Variants in CEP290 observed in about 807,000 individuals in gnomAD.
The protein encoded by CEP290 is centrosomal protein 290.
CEP290 carries 317 observed loss-of-function variants against 344.9 expected under a neutral mutation model. The observed-to-expected ratio is 0.92, with a 90% CI of 0.84 to 1.01. CEP290 has a LOEUF of 1.01. Ranked by LOEUF, CEP290 falls within the 50% of genes least tolerant of loss-of-function variation. CEP290 has a pLI of 0.00. For missense variants in CEP290, 2,754 were observed against 2,761.4 expected, an observed-to-expected ratio of 1.00 and a Z score of 0.06; for synonymous variants, 932 against 895.8, an observed-to-expected ratio of 1.04 and a Z score of -0.72.
At chr12:88,131,112 C>G (rs2040039653) in intron 7 of CEP290, 53 bp downstream of exon 7, 1 of 1,331,364 alleles carries the variant, frequency 7.5e-7, no homozygotes, top group South Asian at 1.5e-5. Flanking sequence ...AACTTAGGTA[C>G]TTATTTTAAT....
intron 26 of CEP290, among the ~76,000 whole-genome samples, chr12:88,101,867 C>T (rs894569008): frequency 6.6e-6 from 1 of 151,970 alleles, no homozygotes; most frequent in African/African-American, 2.4e-5. Flanking sequence ...TAAAAAGTAA[C>T]ATAATCACCT....
chr12:88,074,726 G>A (rs1176558850), intron 41 of CEP290, among the ~76,000 whole-genome samples: 2 of 152,094 alleles, frequency 1.3e-5, no homozygotes, highest in African/African-American at 2.4e-5. Context: ...TAATACGAGG[G>A]GGTCCTGCCC....
intron 27 of CEP290, among the ~76,000 whole-genome samples, chr12:88,094,815 A>C (rs2037314566): frequency 6.6e-6 from 1 of 152,072 alleles, no homozygotes; most frequent in Admixed American, 6.6e-5. Context: ...GCAGCAACTC[A>C]CTTTGTAAAC....
At chr12:88,084,010 T>C in intron 35 of CEP290, 56 bp from the exon 36 acceptor site, 2 of 1,076,552 alleles carry the variant, frequency 1.9e-6, no homozygotes, top group Non-Finnish European at 2.7e-6. Flanking sequence ...CAAATTCACA[T>C]TTTGAAGACC....
At chr12:88,090,189 G>C (rs2036917876) in intron 30 of CEP290, among the ~76,000 whole-genome samples, 1 of 152,174 alleles carries the variant, frequency 6.6e-6, no homozygotes, top group African/African-American at 2.4e-5. Context: ...ACAATTCTCA[G>C]TGTCCTAATT....
In CEP290 at chr12:88,077,708, T is replaced by C. The variant is rs2035882344; in HGVS notation, c.5575A>G (p.Ser1859Gly). 3 of 1,539,716 alleles carry C rather than the reference T, an allele frequency of 1.9e-6. No individual in the cohort carries two copies. The highest frequency in any genetic ancestry group is 2.8e-5 in the African/African-American group (2 of 71,648). The change falls in exon 40 of 54, where the codon AGT becomes GGT. Residue 1859 changes from serine (S) to glycine (G), a missense_variant. Ser to Gly is a moderately conservative substitution (Grantham distance 56). Coordinates refer to ENST00000552810, the MANE Select transcript of CEP290 (RefSeq NM_025114.4). The stretch of plus-strand genomic sequence containing the variant: ...AAATATAAAATTACCTGTAATCCAC[T>C]GGTTAGTCTTTTAATTTGCCTTTTC... ...ELKRQIKRLT[S>G]GLQGKPLTDN... is the part of the protein sequence containing the mutation.
rs1435194969 is a variant in CEP290, at chr12:88,102,858, T to C, written c.2971A>G (p.Ser991Gly). 1.2e-6 allele frequency: 2 copies of C among 1,610,066 alleles called. No individual in the cohort carries two copies. The highest frequency in any genetic ancestry group is 1.3e-5 in the African/African-American group (1 of 74,776). ...CTTACCTCCAGGTGTTCCAAGTTAC[T>C]TGTTCTTTGAACAAGCATATTATCT... ...QKDNMLVQRT[S>G]NLEHLECENI... The change falls in exon 26 of 54, where the codon AGT becomes GGT. Residue 991 changes from serine (S) to glycine (G), a missense_variant. Ser to Gly is a moderately conservative substitution (Grantham distance 56). Transcript: ENST00000552810.
At chr12:88,067,617 G>T (rs967954347) in intron 44 of CEP290, among the ~76,000 whole-genome samples, 1 of 151,992 alleles carries the variant, frequency 6.6e-6, no homozygotes, top group Non-Finnish European at 1.5e-5. Flanking sequence ...TCTCACTCTT[G>T]CCTATCTTAT....
At chr12:88,080,452 C>T (rs2036118743) in intron 37 of CEP290, 57 bp from the exon 38 acceptor site, 1 of 1,282,718 alleles carries the variant, frequency 7.8e-7, no homozygotes, top group Non-Finnish European at 1.1e-6. Context: ...TTTTTTGAGA[C>T]CCAGTCTCAC....
chr12:88,073,350 C>T (rs2035522851), intron 41 of CEP290, among the ~76,000 whole-genome samples: 1 of 152,170 alleles, frequency 6.6e-6, no homozygotes, highest in Non-Finnish European at 1.5e-5. Flanking sequence ...TGTCAGTCTG[C>T]AATCGTAGCT....
intron 18 of CEP290, chr12:88,115,879 CCTTAAG>C (rs2137809762): frequency 4.1e-6 from 4 of 983,298 alleles, no homozygotes; most frequent in Non-Finnish European, 4.8e-6. Flanking sequence ...GGAAGATTAA[CCTTAAG>C]CTTATTTTTC....
intron 44 of CEP290, among the ~76,000 whole-genome samples, chr12:88,068,112 A>T (rs1483344428): frequency 6.6e-6 from 1 of 152,166 alleles, no homozygotes; most frequent in African/African-American, 2.4e-5. Context: ...CTAAATATTT[A>T]AAAAATCCAA....
In CEP290 at chr12:88,059,968, T is replaced by C. The variant is rs1222842886; in HGVS notation, c.6575A>G (p.Tyr2192Cys). The stretch of plus-strand genomic sequence containing the variant: ...TTCTGTGCCTTTGGTCTTGGATTCA[T>C]AGTGCATGCTCAACTGATGCCCAAG... The part of the protein sequence containing the change: ...AHLGHQLSMH[Y>C]ESKTKGTEKI... Residue 2192 changes from tyrosine to cysteine, a missense_variant, in exon 48 of 54, where the codon TAT becomes TGT. Tyr to Cys is a radical substitution (Grantham distance 194). Coordinates refer to ENST00000552810, the MANE Select transcript of CEP290 (RefSeq NM_025114.4). The C allele has an allele frequency of 2.5e-6, 4 of 1,587,344 alleles. No homozygotes were observed. The highest frequency in any genetic ancestry group is 1.2e-5 in the South Asian group (1 of 86,078).
At chr12:88,110,613 G>A (rs1282198476) in intron 22 of CEP290, among the ~76,000 whole-genome samples, 1 of 152,072 alleles carries the variant, frequency 6.6e-6, no homozygotes, top group Non-Finnish European at 1.5e-5. Flanking sequence ...GGAGGCTGAG[G>A]CATGAGAATC....
At chr12:88,097,073 A>G in intron 26 of CEP290, 74 bp from the exon 27 acceptor site, 1 of 735,018 alleles carries the variant, frequency 1.4e-6, no homozygotes, top group Non-Finnish European at 2.2e-6. Flanking sequence ...CATTGTCTTA[A>G]CTTTATATAA....
chr12:88,113,012 G>C (rs953264715), intron 20 of CEP290, among the ~76,000 whole-genome samples: 2 of 152,096 alleles, frequency 1.3e-5, no homozygotes, highest in Non-Finnish European at 2.9e-5. Flanking sequence ...GCATTGTCTG[G>C]TCTAAATTGT....
At chr12:88,054,017 C>T (rs1305048587) in intron 51 of CEP290, among the ~76,000 whole-genome samples, 1 of 152,130 alleles carries the variant, frequency 6.6e-6, no homozygotes, top group African/African-American at 2.4e-5. Flanking sequence ...GCTACAGAGA[C>T]CCCTGAAAGT....
chr12:88,135,200 T>C (rs2040287604), intron 6 of CEP290, among the ~76,000 whole-genome samples: 1 of 152,132 alleles, frequency 6.6e-6, no homozygotes, highest in African/African-American at 2.4e-5. Context: ...AAAGAAGTAA[T>C]TGCCAAAGCA....
At chr12:88,124,124 T>G (rs1336342872) in intron 13 of CEP290, among the ~76,000 whole-genome samples, 2 of 152,092 alleles carry the variant, frequency 1.3e-5, no homozygotes, top group Non-Finnish European at 2.9e-5. Flanking sequence ...AAACACAGCC[T>G]AAGTCAAATT....
Sources: gnomAD v4.1 joint callset for allele counts (sites outside exome capture counted in the v4.1 genomes callset) on GRCh38, gnomAD v4.1.1 for gene constraint, MANE v1.5 for transcripts, NCBI Gene and HGNC (gene_info 2026-07-23, HGNC 2026-07-21) for gene names.